PLEKHA7: variants seen among roughly 807,000 people sequenced by gnomAD.
PLEKHA7 encodes the protein pleckstrin homology domain containing A7.
In PLEKHA7, 104 loss-of-function variants were observed where a neutral mutation model predicts 170.0. That is an observed-to-expected ratio of 0.61 (90% CI 0.52 to 0.72). The LOEUF (loss-of-function observed/expected upper bound fraction) is 0.72, where lower values mean the gene tolerates loss of function less well. Among genes scored for constraint, PLEKHA7 ranks in the 30% least tolerant of loss-of-function variants. The pLI is 0.00. For synonymous variants in PLEKHA7, 648 were observed against 660.8 expected, an observed-to-expected ratio of 0.98 and a Z score of 0.30; for missense variants, 1,615 against 1,671.7, an observed-to-expected ratio of 0.97 and a Z score of 0.59.
intron 3 of PLEKHA7, among the ~76,000 whole-genome samples, chr11:17,006,869 C>A (rs1441179956): frequency 6.6e-6 from 1 of 152,328 alleles, no homozygotes; most frequent in Admixed American, 6.5e-5. Context: ...CTGGTGTCTA[C>A]AAAATCCCCA....
chr11:16,848,622 C>T (rs189567705), intron 8 of PLEKHA7, among the ~76,000 whole-genome samples: 1 of 152,250 alleles, frequency 6.6e-6, no homozygotes. Context: ...TGGTGATGAG[C>T]ATAAATGATA....
intron 3 of PLEKHA7, among the ~76,000 whole-genome samples, chr11:16,987,304 C>T (rs371214184): frequency 6.6e-6 from 1 of 150,428 alleles, no homozygotes; most frequent in African/African-American, 2.4e-5. Flanking sequence ...CTGGCTCCGC[C>T]CCCCAGAAGC....
chr11:16,900,850 A>ATT (rs1203436793), intron 3 of PLEKHA7, among the ~76,000 whole-genome samples: 2 of 143,992 alleles, frequency 1.4e-5, no homozygotes, highest in Non-Finnish European at 1.5e-5. Flanking sequence ...ATGATTTTTT[A>ATT]TTTTTTTTTT....
intron 3 of PLEKHA7, among the ~76,000 whole-genome samples, chr11:16,919,647 G>A (rs1434557504): frequency 6.6e-6 from 1 of 151,750 alleles, no homozygotes; most frequent in East Asian, 1.9e-4. Flanking sequence ...CTGGGTAACA[G>A]AGCAAGACCT....
intron 12 of PLEKHA7, among the ~76,000 whole-genome samples, chr11:16,814,936 C>A (rs1316935628): frequency 1.3e-5 from 2 of 152,240 alleles, no homozygotes; most frequent in Non-Finnish European, 2.9e-5. Context: ...TCACTACTTA[C>A]AGCCAGAGAA....
intron 3 of PLEKHA7, among the ~76,000 whole-genome samples, chr11:16,964,940 A>G (rs1352795452): frequency 6.6e-6 from 1 of 152,100 alleles, no homozygotes; most frequent in Non-Finnish European, 1.5e-5. Flanking sequence ...GTATGTATAT[A>G]ATTTATAAAT....
At position 16,841,218 on chromosome 11, in the gene PLEKHA7, T is replaced by C. The variant is rs959077488; in HGVS notation, c.872+329A>G. ...ACTCCCAGGTCAGCTCCCAGCAACA[T>C]GGCAGTTAGTCTGTAGCAGATTTTC... On this transcript the variant is annotated intron_variant, in intron 9 of 26. Transcript: ENST00000531066. Among the ~76,000 whole-genome samples, 6 of 152,290 alleles carry C rather than the reference T, an allele frequency of 3.9e-5. No homozygotes were observed. The East Asian group carries it at 5.8e-4, about 15-fold the overall frequency.
At chr11:16,974,548 T>G (rs1041965794) in intron 3 of PLEKHA7, 7 of 357,388 alleles carry the variant, frequency 2.0e-5, no homozygotes, top group Non-Finnish European at 3.2e-5. Flanking sequence ...TATATTACAA[T>G]AGTGCAATTG....
At chr11:16,995,160 G>C (rs1864264290) in intron 3 of PLEKHA7, among the ~76,000 whole-genome samples, 1 of 152,160 alleles carries the variant, frequency 6.6e-6, no homozygotes, top group South Asian at 2.1e-4. Flanking sequence ...AGGCTCCAGA[G>C]TACACAACCT....
At chr11:16,833,378 A>G (rs909277526) in intron 9 of PLEKHA7, among the ~76,000 whole-genome samples, 4 of 152,166 alleles carry the variant, frequency 2.6e-5, no homozygotes, top group African/African-American at 9.7e-5. Context: ...TAAGAAGAGG[A>G]AAAAAGCTAT....
At chr11:16,842,606 A>G (rs1012884731) in intron 8 of PLEKHA7, 1 of 151,878 alleles carries the variant, frequency 6.6e-6, no homozygotes, top group Non-Finnish European at 1.5e-5. Context: ...AAAAAAAAAA[A>G]AAAAAAAATC....
chr11:16,786,419 G>A (rs923687139), intron 23 of PLEKHA7, 32 bp from the exon 24 acceptor site: 4 of 1,534,058 alleles, frequency 2.6e-6, no homozygotes, highest in African/African-American at 2.7e-5. Flanking sequence ...AAACGTAGTC[G>A]CTTCCTGATT....
At chr11:16,782,688 C>A in intron 26 of PLEKHA7, 66 bp downstream of exon 26, 6 of 1,518,758 alleles carry the variant, frequency 4.0e-6, no homozygotes, top group South Asian at 3.7e-5. Flanking sequence ...ACAGGCCATG[C>A]TGGGCCCAAG....
intron 9 of PLEKHA7, among the ~76,000 whole-genome samples, chr11:16,832,610 CCA>C (rs778727459): frequency 2.8e-4 from 43 of 152,142 alleles, no homozygotes; most frequent in Non-Finnish European, 5.4e-4. Flanking sequence ...CACACACACC[CCA>C]CACACATTCA....
Position 16,813,121 on chromosome 11 carries a change from C to G in PLEKHA7, c.1999G>C (p.Asp667His). 1.2e-6 allele frequency: 2 copies of G among 1,613,408 alleles called. No individual in the cohort carries two copies. The highest frequency in any genetic ancestry group is 1.7e-4 in the Middle Eastern group (1 of 6,060). ...ACCCTGATGTCACTTACCTTTAGATCCAGGTACTCCAGGTCTTTCTTCAGC... is the reference window on the plus strand; with the variant it reads ...ACCCTGATGTCACTTACCTTTAGATGCAGGTACTCCAGGTCTTTCTTCAGC... The part of the protein sequence containing the change: ...LQLKKDLEYL[D>H]LKMTGRDLLK... Residue 667 changes from aspartate (D) to histidine (H), a missense_variant, in exon 13 of 27, where the codon GAT (aspartate) becomes CAT (histidine). Asp to His is a moderately conservative substitution (Grantham distance 81). Coordinates refer to ENST00000531066, the MANE Select transcript of PLEKHA7 (RefSeq NM_001329630.2).
At chr11:16,981,983 G>A (rs893604168) in intron 3 of PLEKHA7, among the ~76,000 whole-genome samples, 1 of 152,058 alleles carries the variant, frequency 6.6e-6, no homozygotes, top group African/African-American at 2.4e-5. Context: ...CTCCACCCTC[G>A]GCCCTTCGGC....
At chr11:16,838,982 G>C (rs185268214) in intron 9 of PLEKHA7, among the ~76,000 whole-genome samples, 239 of 152,082 alleles carry the variant, frequency 1.6e-3, no homozygotes, top group African/African-American at 5.3e-3. Context: ...CACCGCACCC[G>C]GCCACACAGC....
chr11:16,937,240 T>G (rs1358236079), intron 3 of PLEKHA7, among the ~76,000 whole-genome samples: 1 of 152,220 alleles, frequency 6.6e-6, no homozygotes, highest in Non-Finnish European at 1.5e-5. Context: ...AATCCCTGAA[T>G]GCTTTGGCCT....
chr11:16,987,652 G>A (rs1271142465), intron 3 of PLEKHA7, among the ~76,000 whole-genome samples: 1 of 152,132 alleles, frequency 6.6e-6, no homozygotes, highest in Non-Finnish European at 1.5e-5. Context: ...CTTTAAACAA[G>A]TTGCTTCTTT....
Sources: allele counts gnomAD v4.1 joint callset (sites outside exome capture counted in the v4.1 genomes callset), GRCh38; gene constraint gnomAD v4.1.1; transcripts MANE v1.5; gene names NCBI Gene and HGNC (gene_info 2026-07-23, HGNC 2026-07-21).